AFG3L2: variants seen among roughly 807,000 people sequenced by gnomAD.
AFG3L2 encodes AFG3 like matrix AAA peptidase subunit 2, also known as mitochondrial inner membrane m-AAA protease component AFG3L2.
A neutral mutation model predicts 94.5 loss-of-function variants in AFG3L2; 54 were observed. The ratio of observed to expected loss-of-function variants is 0.57; its 90% CI spans 0.46 to 0.72. The LOEUF is 0.72. Ranked by LOEUF, AFG3L2 falls within the 30% of genes least tolerant of loss-of-function variation. AFG3L2 has a pLI of 0.00. For missense variants in AFG3L2, 754 were observed against 994.9 expected, an observed-to-expected ratio of 0.76 and a Z score of 3.26; for synonymous variants, 377 against 365.5, an observed-to-expected ratio of 1.03 and a Z score of -0.36.
Position 12,364,638 on chromosome 18 carries a change from C to CT in AFG3L2, c.553-783dup, listed in dbSNP as rs546637135. Among the ~76,000 whole-genome samples the CT allele has an allele frequency of 7.6e-4, 116 of 151,986 alleles. 1 individual carries two copies. In the South Asian group the frequency reaches 0.023, roughly 30 times the overall value. On this transcript the variant is annotated intron_variant, in intron 5 of 16. Coordinates refer to ENST00000269143, the MANE Select transcript of AFG3L2 (RefSeq NM_006796.3). ...CTCTATAAATATAAAATAGTTTAAG[C>CT]TTTTTTTTAAATTGAATCACCTAGT...
At chr18:12,336,346 C>T (rs1002466730) in intron 16 of AFG3L2, among the ~76,000 whole-genome samples, 3 of 152,214 alleles carry the variant, frequency 2.0e-5, no homozygotes, top group Non-Finnish European at 4.4e-5. Flanking sequence ...CAACCAATGG[C>T]TCCACCTGGA....
intron 13 of AFG3L2, chr18:12,344,463 T>C (rs1908060954): frequency 1.9e-6 from 1 of 524,526 alleles, no homozygotes; most frequent in African/African-American, 1.9e-5. Flanking sequence ...TCACTTGAGG[T>C]GAGGAGTTCG....
chr18:12,352,086 T>C (rs1908335008), intron 10 of AFG3L2, among the ~76,000 whole-genome samples: 1 of 152,212 alleles, frequency 6.6e-6, no homozygotes, highest in African/African-American at 2.4e-5. Flanking sequence ...ACCAACTGCC[T>C]ATCTGAAGGC....
intron 1 of AFG3L2, among the ~76,000 whole-genome samples, chr18:12,373,079 G>C (rs1393461717): frequency 6.6e-6 from 1 of 152,194 alleles, no homozygotes; most frequent in East Asian, 1.9e-4. Flanking sequence ...AGAATGAGAT[G>C]ATTTAACTTC....
chr18:12,366,364 C>T, intron 5 of AFG3L2, among the ~76,000 whole-genome samples: 1 of 152,086 alleles, frequency 6.6e-6, no homozygotes, highest in East Asian at 1.9e-4. Flanking sequence ...ACTTATTTCC[C>T]ATTGGTTGTG....
intron 6 of AFG3L2, among the ~76,000 whole-genome samples, chr18:12,362,895 C>T (rs1165441251): frequency 6.6e-6 from 1 of 152,078 alleles, no homozygotes; most frequent in East Asian, 1.9e-4. Flanking sequence ...ACACACGTTG[C>T]CTACCGGCCT....
At chr18:12,357,079 G>A (rs1403480194) in intron 8 of AFG3L2, among the ~76,000 whole-genome samples, 1 of 151,924 alleles carries the variant, frequency 6.6e-6, no homozygotes, top group Non-Finnish European at 1.5e-5. Context: ...TTTTCCTAGG[G>A]CTGATTTTTA....
At chr18:12,330,286 A>C (rs950039337) in intron 16 of AFG3L2, among the ~76,000 whole-genome samples, 1 of 151,644 alleles carries the variant, frequency 6.6e-6, no homozygotes, top group Non-Finnish European at 1.5e-5. Flanking sequence ...AGATTGTGCC[A>C]CTGCACTCCA....
chr18:12,371,373 C>T (rs927715637), intron 2 of AFG3L2, among the ~76,000 whole-genome samples: 2 of 150,724 alleles, frequency 1.3e-5, no homozygotes, highest in African/African-American at 2.4e-5. Context: ...ACAAGTACAT[C>T]AAAGTCTAAA....
chr18:12,349,423 A>G (rs1469691096), intron 12 of AFG3L2, among the ~76,000 whole-genome samples: 3 of 152,186 alleles, frequency 2.0e-5, no homozygotes, highest in Non-Finnish European at 4.4e-5. Context: ...GAGAAACACT[A>G]TGACCACAAA....
At chr18:12,349,326 G>T (rs147206815) in intron 12 of AFG3L2, among the ~76,000 whole-genome samples, 1 of 152,158 alleles carries the variant, frequency 6.6e-6, no homozygotes, top group African/African-American at 2.4e-5. Flanking sequence ...ATGTAAAATG[G>T]CACAGGTAAT....
Position 12,356,917 on chromosome 18 carries a change from C to CT in AFG3L2, c.1027-87dup, listed in dbSNP as rs1394848054. ...CCACAAATAATTACAAGATATAACT[C>CT]TGTCTCTAAATCTTATTGATATATA... On this transcript the variant is annotated intron_variant, in intron 8 of 16. Transcript: ENST00000269143. 3.0e-6 allele frequency: 4 copies of CT among 1,352,926 alleles called. No individual in the cohort carries two copies. In the Admixed American group the frequency reaches 7.8e-5, roughly 26 times the overall value. 83.8% of individuals were successfully genotyped at this position (1,352,926 alleles called of 1,614,324 possible). A position where few individuals can be genotyped will look rare whatever the true frequency, so the allele number is the denominator to read the frequency against.
Position 12,329,028 on chromosome 18 carries a change from G to A in AFG3L2, c.*537C>T. On this transcript the variant is annotated 3_prime_UTR_variant, in exon 17 of 17. Coordinates refer to ENST00000269143, the MANE Select transcript of AFG3L2 (RefSeq NM_006796.3). ...ATAATACATTCATATTTTTAAGTAT[G>A]TTACAGCTCCTGTAGAAAACCATTC... is the stretch of plus-strand genomic sequence containing the variant. 3.1e-6 allele frequency: 2 copies of A among 648,790 alleles called. No homozygotes were observed. Among genetic ancestry groups the A allele is most frequent in the Non-Finnish European group, 5.6e-6 (2 of 359,860 alleles). The allele number at this position is 648,790 out of a possible 1,614,324, so 40.2% of individuals were successfully genotyped here.
chr18:12,360,850 T>C (rs1175956968), intron 6 of AFG3L2, among the ~76,000 whole-genome samples: 1 of 152,164 alleles, frequency 6.6e-6, no homozygotes, highest in Non-Finnish European at 1.5e-5. Context: ...ACAGTCTGGC[T>C]CCTGAACCAG....
At chr18:12,333,876 G>A (rs1002728300) in intron 16 of AFG3L2, among the ~76,000 whole-genome samples, 2 of 152,154 alleles carry the variant, frequency 1.3e-5, no homozygotes, top group Non-Finnish European at 2.9e-5. Flanking sequence ...CTGCAGGCAG[G>A]ACACCTGGGT....
Position 12,339,581 on chromosome 18 carries a change from C to G in AFG3L2, c.1980+620G>C, listed in dbSNP as rs186273042. The stretch of plus-strand genomic sequence containing the variant: ...AAAAAAAAAAAACAAAAAAGCTGGG[C>G]GCAGTGGCTCACGCCTGTAATCCCA... On this transcript the variant is annotated intron_variant, in intron 15 of 16. Coordinates refer to ENST00000269143, the MANE Select transcript of AFG3L2 (RefSeq NM_006796.3). Among the ~76,000 whole-genome samples, 717 of 147,098 alleles carry G rather than the reference C, an allele frequency of 4.9e-3. 10 individuals carry two copies. Among genetic ancestry groups the G allele is most frequent in the Middle Eastern group, 0.015 (4 of 266 alleles).
At chr18:12,373,274 T>C (rs1472391979) in intron 1 of AFG3L2, among the ~76,000 whole-genome samples, 1 of 152,172 alleles carries the variant, frequency 6.6e-6, no homozygotes, top group Non-Finnish European at 1.5e-5. Context: ...AGAGTTTTTT[T>C]CCAGTGCCAA....
rs1022835199 is a variant in AFG3L2, at chr18:12,367,401, C to T, written c.293-19G>A. ...TTTGATTCTGTTCATAAACAAAGAGCACACACAGAAGCACGGCAAGGTTTT... is the reference window on the plus strand; with the variant it reads ...TTTGATTCTGTTCATAAACAAAGAGTACACACAGAAGCACGGCAAGGTTTT... On this transcript the variant is annotated intron_variant, in intron 3 of 16. Coordinates refer to ENST00000269143, the MANE Select transcript of AFG3L2 (RefSeq NM_006796.3). 4.3e-6 allele frequency: 7 copies of T among 1,611,652 alleles called. No individual in the cohort carries two copies. The East Asian group carries it at 1.6e-4, about 36-fold the overall frequency.
intron 16 of AFG3L2, 75 bp downstream of exon 16, chr18:12,337,266 C>T: frequency 7.3e-7 from 1 of 1,374,994 alleles, no homozygotes; most frequent in Non-Finnish European, 1.0e-6. Context: ...TACACACCAA[C>T]CAAAACAGTC....
Sources: allele counts gnomAD v4.1 joint callset (sites outside exome capture counted in the v4.1 genomes callset), GRCh38; gene constraint gnomAD v4.1.1; transcripts MANE v1.5; gene names NCBI Gene and HGNC (gene_info 2026-07-23, HGNC 2026-07-21).